Variants in PRPSAP1 observed in about 807,000 individuals in gnomAD.
The protein encoded by PRPSAP1 is phosphoribosyl pyrophosphate synthase-associated protein 1.
In PRPSAP1, 31 loss-of-function variants were observed where a neutral mutation model predicts 39.4. That is an observed-to-expected ratio of 0.79 (90% CI 0.59 to 1.06). The LOEUF (loss-of-function observed/expected upper bound fraction) is 1.06. PRPSAP1 is among the 50% of genes least tolerant of loss of function. The probability of loss-of-function intolerance (pLI) is 0.00; values close to 1 mark genes in which losing one functional copy is unlikely to be tolerated. For synonymous variants in PRPSAP1, 212 were observed against 192.6 expected (o/e 1.10, Z -0.83); for missense variants, 430 against 511.6 (o/e 0.84, Z 1.54).
At chr17:76,314,868 T>C (rs1020786971) in intron 7 of PRPSAP1, among the ~76,000 whole-genome samples, 1 of 152,276 alleles carries the variant, frequency 6.6e-6, no homozygotes, top group African/African-American at 2.4e-5. Context: ...GCTGTGTGGA[T>C]AGAAACCCCA....
At chr17:76,321,019 C>A (rs1200936088) in intron 7 of PRPSAP1, among the ~76,000 whole-genome samples, 1 of 151,942 alleles carries the variant, frequency 6.6e-6, no homozygotes, top group African/African-American at 2.4e-5. Context: ...CTGGGCTCAA[C>A]TGATCCTGGC....
At chr17:76,328,485 T>C (rs1459764490) in intron 7 of PRPSAP1, among the ~76,000 whole-genome samples, 1 of 152,116 alleles carries the variant, frequency 6.6e-6, no homozygotes, top group Non-Finnish European at 1.5e-5. Context: ...GGCACACACC[T>C]GTAATCTTTG....
At chr17:76,326,821 G>C (rs1453102277) in intron 7 of PRPSAP1, among the ~76,000 whole-genome samples, 5 of 152,170 alleles carry the variant, frequency 3.3e-5, no homozygotes, top group African/African-American at 1.2e-4. Flanking sequence ...AGCTTCCTGA[G>C]TCTGATAATG....
rs1019159042 is a variant in PRPSAP1, at chr17:76,310,459, G to C, written c.*1083C>G. 1 of 148,530 alleles carries C rather than the reference G, an allele frequency of 6.7e-6. No individual in the cohort carries two copies. Among genetic ancestry groups the C allele is most frequent in the Non-Finnish European group, 1.5e-5 (1 of 67,676 alleles). The allele number at this position is 148,530 out of a possible 1,614,324, so 9.2% of individuals were successfully genotyped here. ...TGCAGGGATTACAGGCATAAGACAC[G>C]ATCCCTGGCCTGTTTTTTTTTTTTG... On this transcript the variant is annotated 3_prime_UTR_variant, in exon 10 of 10. Coordinates refer to ENST00000446526, the MANE Select transcript of PRPSAP1 (RefSeq NM_002766.3).
chr17:76,352,673 GAAAA>G (rs1322529134), intron 1 of PRPSAP1, among the ~76,000 whole-genome samples: 2 of 139,326 alleles, frequency 1.4e-5, no homozygotes, highest in African/African-American at 5.3e-5. Context: ...AAAAAGAAAA[GAAAA>G]AGAAAAAGAA....
rs980468043 is a variant in PRPSAP1, at chr17:76,311,278, AGATTATTTT to A, written c.*255_*263del. ...CCTCTTTAGTATCAATAAGATTTTC[AGATTATTTT>A]TAAGAAAGCAGCTAGAACTTTTAAG... On this transcript the variant is annotated 3_prime_UTR_variant, in exon 10 of 10. Transcript: ENST00000446526. 2.6e-4 allele frequency: 78 copies of A among 304,544 alleles called. No individual in the cohort carries two copies. Among genetic ancestry groups the A allele is most frequent in the African/African-American group, 1.7e-3 (76 of 46,034 alleles). 18.9% of individuals were successfully genotyped at this position (304,544 alleles called of 1,614,324 possible).
chr17:76,353,354 T>C (rs1433033183), intron 1 of PRPSAP1, 180 bp downstream of exon 1: 1 of 618,884 alleles, frequency 1.6e-6, no homozygotes, highest in Non-Finnish European at 2.6e-6. Flanking sequence ...GCCTCCCAGC[T>C]GCAAAACCGG....
intron 1 of PRPSAP1, chr17:76,353,250 C>G: frequency 2.5e-6 from 1 of 393,024 alleles, no homozygotes; most frequent in Non-Finnish European, 4.6e-6. Flanking sequence ...AAGCTCGGCC[C>G]GCCCCGGGGT....
chr17:76,334,082 C>G (rs1157763444), intron 3 of PRPSAP1, among the ~76,000 whole-genome samples: 1 of 152,142 alleles, frequency 6.6e-6, no homozygotes, highest in Non-Finnish European at 1.5e-5. Context: ...GGGGTGAGAG[C>G]CTTGAAATCC....
At chr17:76,326,543 G>C (rs1567801794) in intron 7 of PRPSAP1, among the ~76,000 whole-genome samples, 1 of 152,124 alleles carries the variant, frequency 6.6e-6, no homozygotes, top group Non-Finnish European at 1.5e-5. Context: ...ATCTAATCCT[G>C]AGGACACAAA....
At chr17:76,330,450 A>G in intron 5 of PRPSAP1, 101 bp downstream of exon 5, 1 of 833,092 alleles carries the variant, frequency 1.2e-6, no homozygotes, top group Non-Finnish European at 1.9e-6. Flanking sequence ...CTTAAGGGAG[A>G]GCTCATTTGA....
chr17:76,334,302 C>T (rs1310656573), intron 3 of PRPSAP1, among the ~76,000 whole-genome samples: 6 of 152,206 alleles, frequency 3.9e-5, no homozygotes, highest in Non-Finnish European at 2.9e-5. Flanking sequence ...TACACTGACA[C>T]GTAGGTGATG....
At chr17:76,322,318 C>T (rs2071206477) in intron 7 of PRPSAP1, among the ~76,000 whole-genome samples, 1 of 152,172 alleles carries the variant, frequency 6.6e-6, no homozygotes. Context: ...ATCGCTTGAA[C>T]CCAGGAGGTG....
intron 2 of PRPSAP1, among the ~76,000 whole-genome samples, chr17:76,347,198 C>A (rs558174543): frequency 1.3e-5 from 2 of 148,676 alleles, no homozygotes; most frequent in South Asian, 2.2e-4. Flanking sequence ...AGAAAGCAGA[C>A]AGAGTGGGCC....
chr17:76,335,346 GT>G (rs1237528541), intron 3 of PRPSAP1, among the ~76,000 whole-genome samples: 5 of 151,614 alleles, frequency 3.3e-5, no homozygotes, highest in Admixed American at 6.6e-5. Flanking sequence ...AAGTAGTGAG[GT>G]TTTTTTTGTT....
chr17:76,313,824 G>C lies in PRPSAP1; in HGVS notation c.849C>G (p.Ile283Met). The C allele has an allele frequency of 6.2e-7, 1 of 1,614,130 alleles. No individual in the cohort carries two copies. The highest frequency in any genetic ancestry group is 8.5e-7 in the Non-Finnish European group (1 of 1,180,030). Residue 283 changes from isoleucine to methionine, a missense_variant, in exon 8 of 10, where the codon ATC (isoleucine) becomes ATG (methionine). Physicochemically the swap from Ile to Met is conservative, Grantham distance 10. Around this residue, in one of 2 missense-constraint regions of PRPSAP1, gnomAD observed 278 missense variants for 376.3 expected, o/e 0.74. Transcript: ENST00000446526. ...VGDVGGRIAI[I>M]VDDIIDDVES... ...CATGGATGACATATAACCATACCAC[G>C]ATGATTGCGATGCGGCCTCCAACAT...
At chr17:76,338,190 G>A (rs992835093) in intron 3 of PRPSAP1, among the ~76,000 whole-genome samples, 6 of 152,128 alleles carry the variant, frequency 3.9e-5, no homozygotes, top group South Asian at 2.1e-4. Flanking sequence ...AAGTTTGGAA[G>A]CAGTAGTTCC....
At chr17:76,323,389 A>T (rs1223208422) in intron 7 of PRPSAP1, among the ~76,000 whole-genome samples, 1 of 151,836 alleles carries the variant, frequency 6.6e-6, no homozygotes, top group Non-Finnish European at 1.5e-5. Context: ...TGCCATAGAT[A>T]GTGATTCCTC....
intron 2 of PRPSAP1, among the ~76,000 whole-genome samples, chr17:76,346,287 T>C (rs551274670): frequency 2.2e-4 from 33 of 152,322 alleles, no homozygotes; most frequent in Middle Eastern, 3.4e-3. Context: ...CGAAGCTGGA[T>C]TGATGTGGGG....
Sources: gnomAD v4.1 joint callset for allele counts (sites outside exome capture counted in the v4.1 genomes callset) on GRCh38, gnomAD v4.1.1 for gene constraint, gnomAD v4.1.1 regional missense constraint, MANE v1.5 for transcripts, NCBI Gene and HGNC (gene_info 2026-07-23, HGNC 2026-07-21) for gene names.